MINK1: variants seen among roughly 807,000 people sequenced by gnomAD.
MINK1 encodes the protein misshapen like kinase 1, also known as misshapen-like kinase 1.
Under a neutral mutation model 178.4 loss-of-function variants are expected in MINK1, and 46 were observed. The observed-to-expected ratio is 0.26, with a 90% CI of 0.20 to 0.33. The LOEUF (loss-of-function observed/expected upper bound fraction) is 0.33, where lower values mean the gene tolerates loss of function less well. Among genes scored for constraint, MINK1 ranks in the 10% least tolerant of loss-of-function variants. MINK1 has a pLI of 1.00. For missense variants in MINK1, 1,366 were observed against 1,814.9 expected, an observed-to-expected ratio of 0.75 and a Z score of 4.49; for synonymous variants, 797 against 709.7, an observed-to-expected ratio of 1.12 and a Z score of -1.96.
chr17:4,854,905 G>A, intron 1 of MINK1: 1 of 423,370 alleles, frequency 2.4e-6, no homozygotes, highest in Non-Finnish European at 4.7e-6. Context: ...TTTTTTGAAG[G>A]CTTCATTAAA....
intron 1 of MINK1, chr17:4,859,184 T>A: frequency 1.0e-6 from 1 of 985,454 alleles, no homozygotes; most frequent in Non-Finnish European, 1.2e-6. Context: ...TTAGTGCTTC[T>A]TTCCCAAGGA....
rs1968578440 is a variant in MINK1, at chr17:4,889,723, T to TGCGGCGGGAGGAGGAGCG, written c.1313_1330dup (p.Arg438_Arg443dup). On this transcript the variant is annotated inframe_insertion, in exon 13 of 32. Transcript: ENST00000355280. Reference sequence around the variant, plus strand: ...CGGCGGCTGGAGGACATGCAGGCTCTGCGGCGGGAGGAGGAGCGGCGGCAG... The same window carrying TGCGGCGGGAGGAGGAGCG: ...CGGCGGCTGGAGGACATGCAGGCTCTGCGGCGGGAGGAGGAGCGGCGGCGGGAGGAGGAGCGGCGGCAG... 2.6e-6 allele frequency: 4 copies of TGCGGCGGGAGGAGGAGCG among 1,551,340 alleles called. No individual in the cohort carries two copies. Among genetic ancestry groups the TGCGGCGGGAGGAGGAGCG allele is most frequent in the African/African-American group, 2.7e-5 (2 of 73,146 alleles).
At chr17:4,834,248 C>T (rs1013894868) in intron 1 of MINK1, among the ~76,000 whole-genome samples, 7 of 152,166 alleles carry the variant, frequency 4.6e-5, no homozygotes, top group African/African-American at 1.2e-4. Flanking sequence ...AGTTCAGAAC[C>T]AGGCATTTCC....
intron 1 of MINK1, among the ~76,000 whole-genome samples, chr17:4,839,181 A>G (rs757702544): frequency 2.0e-4 from 31 of 151,952 alleles, no homozygotes; most frequent in East Asian, 5.8e-4. Flanking sequence ...CTGACCTTGT[A>G]ATCTGCCCGC....
At chr17:4,850,225 T>G (rs1480718543) in intron 1 of MINK1, among the ~76,000 whole-genome samples, 1 of 152,192 alleles carries the variant, frequency 6.6e-6, no homozygotes, top group Non-Finnish European at 1.5e-5. Flanking sequence ...TCAGTGTTTG[T>G]TGAATGAATG....
chr17:4,840,252 TG>T (rs1372658948), intron 1 of MINK1, among the ~76,000 whole-genome samples: 1 of 152,002 alleles, frequency 6.6e-6, no homozygotes, highest in African/African-American at 2.4e-5. Context: ...TGGTGAGAAT[TG>T]GGAGACTCTG....
chr17:4,890,910 G>A (rs1251634906), intron 14 of MINK1, 41 bp from the exon 15 acceptor site: 4 of 1,551,068 alleles, frequency 2.6e-6, no homozygotes, highest in East Asian at 2.4e-5. Flanking sequence ...TGAGAACAGG[G>A]AGGCAAGAGC....
rs1195434292 is a variant in MINK1 at position 4,895,925 on chromosome 17, G to A, written c.3365-78G>A. 1.5e-5 allele frequency: 24 copies of A among 1,573,820 alleles called. No homozygotes were observed. The highest frequency in any genetic ancestry group is 2.7e-5 in the African/African-American group (2 of 74,016). ...AGGGACTTGGGGCCTGGGTGGGGCA[G>A]TGTAGTGACAGACCACGGGGAGGCG... On this transcript the variant is annotated intron_variant, in intron 27 of 31. Transcript: ENST00000355280. The surrounding 1 kb of genome is among the most constrained non-coding windows in gnomAD (Gnocchi z 4.3).
chr17:4,840,644 C>T (rs1910073675), intron 1 of MINK1, among the ~76,000 whole-genome samples: 1 of 152,112 alleles, frequency 6.6e-6, no homozygotes, highest in Non-Finnish European at 1.5e-5. Context: ...CAGCCCTCAG[C>T]TTAGCTGCAT....
At chr17:4,888,630 C>T (rs924539130) in intron 12 of MINK1, among the ~76,000 whole-genome samples, 8 of 150,162 alleles carry the variant, frequency 5.3e-5, no homozygotes, top group Non-Finnish European at 7.4e-5. Flanking sequence ...GACTCCGTCT[C>T]CAAAAAATAA....
intron 5 of MINK1, 134 bp downstream of exon 5, chr17:4,884,607 G>C: frequency 2.9e-6 from 2 of 692,562 alleles, no homozygotes; most frequent in South Asian, 3.7e-5. Context: ...GATGCGGGTG[G>C]GATGTGGAAG....
chr17:4,848,161 G>A (rs564962909), intron 1 of MINK1, among the ~76,000 whole-genome samples: 17 of 152,320 alleles, frequency 1.1e-4, no homozygotes, highest in Admixed American at 1.1e-3. Context: ...TGCTGAGGAG[G>A]AAGAGCAGTC....
chr17:4,866,166 ATAGAGT>A (rs1172512866), intron 1 of MINK1, among the ~76,000 whole-genome samples: 2 of 152,148 alleles, frequency 1.3e-5, no homozygotes, highest in Non-Finnish European at 2.9e-5. Context: ...ATTTAGAATC[ATAGAGT>A]TAGAAAGTTT....
chr17:4,887,670 A>T lies in MINK1; in HGVS notation c.1110A>T (p.Lys370Asn). The T allele has an allele frequency of 6.4e-7, 1 of 1,566,732 alleles. No homozygotes were observed. The highest frequency in any genetic ancestry group is 8.6e-7 in the Non-Finnish European group (1 of 1,157,342). The stretch of plus-strand genomic sequence containing the variant: ...ATAAGAGCAACTCAGAGGCTTTAAA[A>T]CAGCAGCAGCAGCTGCAGCAGCAGC... ...QENKSNSEAL[K>N]QQQQLQQQQQ... Residue 370 changes from lysine to asparagine, a missense_variant, in exon 12 of 32, where the codon AAA becomes AAT. By Grantham distance (94) the Lys-to-Asn change is moderately conservative. This residue lies in a region of MINK1 where 56 missense variants were observed against 64.0 expected (regional missense o/e 0.87). Transcript: ENST00000355280. The surrounding 1 kb of genome is among the most constrained non-coding windows in gnomAD (Gnocchi z 7.6).
chr17:4,893,170 G>C (rs965629905), intron 20 of MINK1, 103 bp downstream of exon 20: 1 of 1,518,522 alleles, frequency 6.6e-7, no homozygotes, highest in African/African-American at 1.4e-5. Context: ...CTACCGAGAA[G>C]GGCTGTGGGG....
Position 4,896,394 on chromosome 17 carries a change from G to A in MINK1, c.3616-35G>A. ...GTGGGATGGCCCAGTCTGGGCACCA[G>A]ACACGGAGACTCTAGTCCCCCTCCT... is the stretch of plus-strand genomic sequence containing the variant. On this transcript the variant is annotated intron_variant, in intron 29 of 31. Coordinates refer to ENST00000355280, the MANE Select transcript of MINK1 (RefSeq NM_153827.5). This position sits in a 1 kb window ranked among gnomAD's most constrained non-coding sequence, Gnocchi z 4.6. 1 of 1,610,372 alleles carries A rather than the reference G, an allele frequency of 6.2e-7. No individual in the cohort carries two copies. Among genetic ancestry groups the A allele is most frequent in the Non-Finnish European group, 8.5e-7 (1 of 1,177,686 alleles).
At chr17:4,892,362 C>T (rs762114364) in intron 17 of MINK1, 40 bp from the exon 18 acceptor site, 162 of 1,453,678 alleles carry the variant, frequency 1.1e-4, no homozygotes, top group Middle Eastern at 2.0e-4. Context: ...CCTCAGCGCC[C>T]CCCCGCCGCC....
chr17:4,895,426 C>T lies in MINK1; in HGVS notation c.3162C>T (p.Leu1054=), dbSNP rs749058104. Residue 1054 remains leucine, a synonymous_variant, in exon 26 of 32, where the codon CTC becomes CTT. Transcript: ENST00000355280. The surrounding 1 kb of genome is among the most constrained non-coding windows in gnomAD (Gnocchi z 4.3). ...DRSGQGKVYG[L]IGRRRFQQMD... ...GTGGGCAGGGCAAGGTGTATGGACT[C>T]ATTGGGCGGCGACGCTTCCAGCAGA... 6.2e-7 allele frequency: 1 copy of T among 1,609,386 alleles called. No individual in the cohort carries two copies. Among genetic ancestry groups the T allele is most frequent in the Non-Finnish European group, 8.5e-7 (1 of 1,177,222 alleles).
Position 4,896,137 on chromosome 17 carries a change from A to C in MINK1, c.3465+34A>C. On this transcript the variant is annotated intron_variant, in intron 28 of 31. Coordinates refer to ENST00000355280, the MANE Select transcript of MINK1 (RefSeq NM_153827.5). This position sits in a 1 kb window ranked among gnomAD's most constrained non-coding sequence, Gnocchi z 4.6. ...AGCCTCGGTCCCTAACACCATCTGG[A>C]GTCCCAGCGCCTCTCCCCGTGCCCC... 6.2e-7 allele frequency: 1 copy of C among 1,606,542 alleles called. No individual in the cohort carries two copies. Among genetic ancestry groups the C allele is most frequent in the Non-Finnish European group, 8.5e-7 (1 of 1,176,366 alleles).
Sources: gnomAD v4.1 joint callset for allele counts (sites outside exome capture counted in the v4.1 genomes callset) on GRCh38, gnomAD v4.1.1 for gene constraint, gnomAD v4.1.1 regional missense constraint, Gnocchi (gnomAD v3.1) non-coding constraint, MANE v1.5 for transcripts, NCBI Gene and HGNC (gene_info 2026-07-23, HGNC 2026-07-21) for gene names.